Variants in KCP observed in about 807,000 individuals in gnomAD.
The protein encoded by KCP is kielin/chordin-like protein.
Under a neutral mutation model 212.7 loss-of-function variants are expected in KCP, and 194 were observed. That is an observed-to-expected ratio of 0.91 (90% confidence interval 0.81 to 1.03). KCP has a LOEUF of 1.03. KCP is among the 50% of genes least tolerant of loss of function. The pLI is 0.00. For missense variants in KCP, 2,080 were observed against 2,162.5 expected, an observed-to-expected ratio of 0.96 and a Z score of 0.76; for synonymous variants, 833 against 865.3, an observed-to-expected ratio of 0.96 and a Z score of 0.65.
chr7:128,890,864 C>A (rs13242023), intron 20 of KCP, 41 bp downstream of exon 20: 1 of 1,232,190 alleles, frequency 8.1e-7, no homozygotes, highest in Non-Finnish European at 1.0e-6. Context: ...GGCGGGGCGG[C>A]AGGACGCGGG....
chr7:128,895,510 C>T (rs978713965), intron 8 of KCP, among the ~76,000 whole-genome samples: 11 of 152,232 alleles, frequency 7.2e-5, no homozygotes, highest in African/African-American at 2.4e-4. Flanking sequence ...AGAGGGAGGA[C>T]GTGGTTGTGT....
In KCP at chr7:128,891,021, C is replaced by T. The variant is rs868478399; in HGVS notation, c.2048G>A (p.Gly683Asp). The change falls in exon 20 of 40, where the codon GGC becomes GAC. Residue 683 changes from glycine to aspartate, a missense_variant. By Grantham distance (94) the Gly-to-Asp change is moderately conservative. Coordinates refer to ENST00000610776, the MANE Select transcript of KCP (RefSeq NM_001366122.1). ...GCAGAGGCAGCGGCGGCAGGGATCG[C>T]CGGGCGGGGAGAAGTACTCCTGGTG... ...ARHQEYFSPP[G>D]DPCRRCLCLD... 20 of 1,345,788 alleles carry T rather than the reference C, an allele frequency of 1.5e-5. No homozygotes were observed. The highest frequency in any genetic ancestry group is 2.8e-4 in the Middle Eastern group (1 of 3,620). 83.4% of individuals were successfully genotyped at this position (1,345,788 alleles called of 1,614,324 possible). A position where few individuals can be genotyped will look rare whatever the true frequency, so the allele number is the denominator to read the frequency against.
At position 128,886,464 on chromosome 7, in the gene KCP, C is replaced by G. The variant is rs1190933303; in HGVS notation, c.2866G>C (p.Gly956Arg). ...GGGGTAGGGCTACAGGCGGCCATACCTCTGCAGCGAGGGCAGCAGCTCCCC... is the reference window on the plus strand; with the variant it reads ...GGGGTAGGGCTACAGGCGGCCATACGTCTGCAGCGAGGGCAGCAGCTCCCC... ...ERGSCCPRCR[G>R]CLAHGEEHPE... is the part of the protein sequence containing the mutation. Residue 956 changes from glycine to arginine, a missense_variant and splice_region_variant, in exon 26 of 40, where the codon GGC becomes CGC. By Grantham distance (125) the Gly-to-Arg change is moderately radical (BLOSUM62 -2). Transcript: ENST00000610776. The G allele has an allele frequency of 4.5e-6, 7 of 1,548,030 alleles. No individual in the cohort carries two copies. In the Admixed American group the frequency reaches 1.2e-4, roughly 26 times the overall value.
intron 8 of KCP, among the ~76,000 whole-genome samples, chr7:128,895,415 GCCT>G (rs1394248937): frequency 6.6e-6 from 1 of 152,172 alleles, no homozygotes; most frequent in Non-Finnish European, 1.5e-5. Context: ...AAGACCCCAT[GCCT>G]TGAATTCACA....
Position 128,891,092 on chromosome 7 carries a change from G to A in KCP, c.1977C>T (p.Ala659=), listed in dbSNP as rs1339355508. 1 of 1,445,054 alleles carries A rather than the reference G, an allele frequency of 6.9e-7. No individual in the cohort carries two copies. The highest frequency in any genetic ancestry group is 9.1e-7 in the Non-Finnish European group (1 of 1,103,344). The allele number at this position is 1,445,054 out of a possible 1,614,324, so 89.5% of individuals were successfully genotyped here. The change falls in exon 20 of 40, where the codon GCC becomes GCT. Residue 659 remains alanine (A), a synonymous_variant. Transcript: ENST00000610776. ...PGECCPQCPA[A]PAPAGCPRPG... ...GCCGTGGGCAGCCGGCGGGGGCTGG[G>A]GCGGCTGCGGCGAGACAGCGCATCA...
rs1230838773 is a variant in KCP at position 128,889,055 on chromosome 7, C to G, written c.2336-16G>C. On this transcript the variant is annotated splice_polypyrimidine_tract_variant and intron_variant, in intron 21 of 39. Transcript: ENST00000610776. ...TACTCACAGCCTTTCAGAGAAGAGA[C>G]AGAGAGGCCGAGGGGAGGGACAGAA... 2 of 1,478,578 alleles carry G rather than the reference C, an allele frequency of 1.4e-6. No homozygotes were observed. Among genetic ancestry groups the G allele is most frequent in the Non-Finnish European group, 1.8e-6 (2 of 1,108,796 alleles). 91.6% of individuals were successfully genotyped at this position (1,478,578 alleles called of 1,614,324 possible). A position where few individuals can be genotyped will look rare whatever the true frequency, so the allele number is the denominator to read the frequency against.
At chr7:128,904,262 G>A (rs556984807) in intron 5 of KCP, 124 bp from the exon 6 acceptor site, 68 of 1,547,732 alleles carry the variant, frequency 4.4e-5, no homozygotes, top group Non-Finnish European at 5.2e-5. Flanking sequence ...GCGGGGCAGG[G>A]CAGGACAGGG....
At position 128,879,987 on chromosome 7, in the gene KCP, G is replaced by A. The variant is rs1170698616; in HGVS notation, c.3858C>T (p.Phe1286=). The A allele has an allele frequency of 1.7e-5, 27 of 1,550,480 alleles. No homozygotes were observed. Among genetic ancestry groups the A allele is most frequent in the South Asian group, 3.6e-5 (3 of 84,070 alleles). The part of the protein sequence containing the change: ...MAFGDPHYRT[F]DGRLLHFQGS... Reference sequence around the variant, plus strand: ...CCTGGAAGTGCAGCAGGCGGCCGTCGAAGGTGCGGTAATGGGGGTCTCCGA... The same window carrying A: ...CCTGGAAGTGCAGCAGGCGGCCGTCAAAGGTGCGGTAATGGGGGTCTCCGA... The change falls in exon 35 of 40, where the codon TTC becomes TTT. Residue 1286 remains phenylalanine (F), a synonymous_variant. Transcript: ENST00000610776.
intron 4 of KCP, 23 bp from the exon 5 acceptor site, chr7:128,906,386 C>A: frequency 6.7e-7 from 1 of 1,499,606 alleles, no homozygotes; most frequent in South Asian, 1.2e-5. Flanking sequence ...ACTGAGGTGG[C>A]TGCACAGACA....
chr7:128,877,173 C>A lies in KCP; in HGVS notation c.4757G>T (p.Cys1586Phe). Reference sequence around the variant, plus strand: ...CTCATGCTCCACCAGGCCTGCAGGGCACTGGCAGCCGGGCACGCAGGGCCT... The same window carrying A: ...CTCATGCTCCACCAGGCCTGCAGGGAACTGGCAGCCGGGCACGCAGGGCCT... Reference protein sequence around the residue: ...CVRPCVPGCQCPAGLVEHEAH... With the variant: ...CVRPCVPGCQFPAGLVEHEAH... The change falls in exon 40 of 40, where the codon TGC (cysteine) becomes TTC (phenylalanine). Residue 1586 changes from cysteine (C) to phenylalanine (F), a missense_variant. By Grantham distance (205) the Cys-to-Phe change is radical (BLOSUM62 -2). Transcript: ENST00000610776. 1 of 1,490,814 alleles carries A rather than the reference C, an allele frequency of 6.7e-7. No homozygotes were observed. The highest frequency in any genetic ancestry group is 8.9e-7 in the Non-Finnish European group (1 of 1,121,080). The allele number at this position is 1,490,814 out of a possible 1,614,324, so 92.3% of individuals were successfully genotyped here.
chr7:128,888,790 G>A, intron 22 of KCP, 73 bp downstream of exon 22: 1 of 1,399,358 alleles, frequency 7.1e-7, no homozygotes, highest in Non-Finnish European at 9.7e-7. Flanking sequence ...AGGGCTGGGA[G>A]GAAAGTGGAA....
chr7:128,908,417 C>T lies in KCP; in HGVS notation c.219+9G>A. On this transcript the variant is annotated intron_variant, in intron 2 of 39. Coordinates refer to ENST00000610776, the MANE Select transcript of KCP (RefSeq NM_001366122.1). ...TACCCAATGCAAACCAGCACTGTCTCCATGGTACCTGTTCTCTGAGCTCCA... is the reference window on the plus strand; with the variant it reads ...TACCCAATGCAAACCAGCACTGTCTTCATGGTACCTGTTCTCTGAGCTCCA... 29 of 1,550,388 alleles carry T rather than the reference C, an allele frequency of 1.9e-5. No homozygotes were observed. The highest frequency in any genetic ancestry group is 2.4e-5 in the Non-Finnish European group (27 of 1,146,118).
At chr7:128,894,337 C>G in intron 8 of KCP, 44 bp from the exon 9 acceptor site, 1 of 1,414,152 alleles carries the variant, frequency 7.1e-7, no homozygotes. Flanking sequence ...CAGGGCTCAA[C>G]TGAGAGGTGG....
intron 8 of KCP, among the ~76,000 whole-genome samples, chr7:128,900,495 T>C (rs1456212545): frequency 6.6e-6 from 1 of 152,200 alleles, no homozygotes; most frequent in Non-Finnish European, 1.5e-5. Flanking sequence ...ATCAGCTTGG[T>C]TCCAACAGTT....
At chr7:128,889,436 C>T (rs1261277593) in intron 21 of KCP, among the ~76,000 whole-genome samples, 1 of 152,178 alleles carries the variant, frequency 6.6e-6, no homozygotes, top group African/African-American at 2.4e-5. Context: ...CTCTTCCGAG[C>T]CCACTGATGA....
intron 16 of KCP, 56 bp from the exon 17 acceptor site, chr7:128,891,875 C>T (rs557609210): frequency 2.8e-4 from 365 of 1,320,698 alleles, no homozygotes; most frequent in Admixed American, 1.3e-3. Context: ...GTCCCTCCAG[C>T]CCTGGAGTCC....
At chr7:128,900,297 C>T (rs1423965660) in intron 8 of KCP, among the ~76,000 whole-genome samples, 6 of 152,162 alleles carry the variant, frequency 3.9e-5, no homozygotes, top group African/African-American at 1.4e-4. Flanking sequence ...CTATGGTATA[C>T]TTGTTATTAA....
chr7:128,880,581 G>T (rs1793268899), intron 33 of KCP, 38 bp downstream of exon 33: 3 of 1,354,278 alleles, frequency 2.2e-6, no homozygotes, highest in Non-Finnish European at 2.9e-6. Flanking sequence ...TGCCCAGAAG[G>T]TCTGGCTTAC....
In KCP at chr7:128,878,557, C is replaced by A. The variant is rs1057454584; in HGVS notation, c.4311+1G>T. 2 of 1,550,768 alleles carry A rather than the reference C, an allele frequency of 1.3e-6. No individual in the cohort carries two copies. Among genetic ancestry groups the A allele is most frequent in the South Asian group, 2.4e-5 (2 of 84,006 alleles). On this transcript the variant is annotated splice_donor_variant, in intron 38 of 39. Transcript: ENST00000610776. LOFTEE classifies it high-confidence loss of function. The stretch of plus-strand genomic sequence containing the variant: ...CCATCCCCGGTTCCTGTACCACTCA[C>A]CTGCCAGCTATTCCCAAACGCAGCC...
Sources: gnomAD v4.1 joint callset for allele counts (sites outside exome capture counted in the v4.1 genomes callset) on GRCh38, gnomAD v4.1.1 for gene constraint, MANE v1.5 for transcripts, NCBI Gene and HGNC (gene_info 2026-07-23, HGNC 2026-07-21) for gene names.